Variants in SLC27A2 observed in about 807,000 individuals in gnomAD.
SLC27A2 encodes solute carrier family 27 member 2, also known as long-chain fatty acid transport protein 2.
A neutral mutation model predicts 60.0 loss-of-function variants in SLC27A2; 54 were observed. The ratio of observed to expected loss-of-function variants is 0.90; its 90% CI spans 0.72 to 1.13. SLC27A2 has a LOEUF of 1.13. SLC27A2 is among the 50% of genes most tolerant of loss of function. SLC27A2 has a pLI of 0.00. For missense variants in SLC27A2, 739 were observed against 777.6 expected, an observed-to-expected ratio of 0.95 and a Z score of 0.59; for synonymous variants, 297 against 297.6, an observed-to-expected ratio of 1.00 and a Z score of 0.02.
intron 1 of SLC27A2, among the ~76,000 whole-genome samples, chr15:50,195,416 G>A (rs527612100): frequency 1.3e-5 from 2 of 151,962 alleles, no homozygotes; most frequent in Non-Finnish European, 2.9e-5. Flanking sequence ...CTGTGAACCC[G>A]GGAGGCGGAG....
At position 50,215,293 on chromosome 15, in the gene SLC27A2, T is replaced by C. The variant is rs928222772; in HGVS notation, c.973-7672T>C. Among the ~76,000 whole-genome samples, 7 of 152,140 alleles carry C rather than the reference T, an allele frequency of 4.6e-5. No homozygotes were observed. In the South Asian group the frequency reaches 1.0e-3, roughly 23 times the overall value. On this transcript the variant is annotated intron_variant, in intron 4 of 9. Transcript: ENST00000267842. ...AAGGCCTCTACATAAAACTACAAAA[T>C]GCTGCTGAAAGTAATCATAAACTAA... is the stretch of plus-strand genomic sequence containing the variant.
In SLC27A2 at chr15:50,223,107, T is replaced by A. The variant is rs780838139; in HGVS notation, c.1115T>A (p.Met372Lys). ...YAATEGNIGF[M>K]NYARKVGAVG... ...GCCACTGAAGGCAATATTGGATTTA[T>A]GAATTATGCGAGAAAAGTTGGTGCT... Residue 372 changes from methionine to lysine, a missense_variant, in exon 5 of 10, where the codon ATG becomes AAG. Transcript: ENST00000267842. 1 of 1,613,980 alleles carries A rather than the reference T, an allele frequency of 6.2e-7. No individual in the cohort carries two copies. The highest frequency in any genetic ancestry group is 1.1e-5 in the South Asian group (1 of 91,036).
At chr15:50,215,850 A>C (rs756088426) in intron 4 of SLC27A2, among the ~76,000 whole-genome samples, 7 of 152,232 alleles carry the variant, frequency 4.6e-5, no homozygotes, top group Non-Finnish European at 1.0e-4. Flanking sequence ...ACGCGAAACT[A>C]TAAAAATTCT....
At chr15:50,225,294 T>C (rs1238143871) in intron 5 of SLC27A2, among the ~76,000 whole-genome samples, 1 of 152,188 alleles carries the variant, frequency 6.6e-6, no homozygotes, top group Non-Finnish European at 1.5e-5. Flanking sequence ...AAATAATATA[T>C]TTATTATTGC....
intron 4 of SLC27A2, among the ~76,000 whole-genome samples, chr15:50,216,624 A>G (rs796907437): frequency 0.077 from 5,178 of 67,322 alleles, 152 homozygotes; most frequent in South Asian, 0.15. Context: ...ATATATATAT[A>G]TATATATATA....
At chr15:50,204,499 C>T (rs1156734680) in intron 3 of SLC27A2, among the ~76,000 whole-genome samples, 1 of 151,398 alleles carries the variant, frequency 6.6e-6, no homozygotes, top group Non-Finnish European at 1.5e-5. Context: ...TTTGGGAGGC[C>T]AAGGGGTACA....
intron 4 of SLC27A2, among the ~76,000 whole-genome samples, chr15:50,214,650 A>G (rs1044053614): frequency 2.0e-5 from 3 of 152,248 alleles, no homozygotes; most frequent in Admixed American, 1.3e-4. Context: ...CCAGGGATGC[A>G]GGGATGGTTT....
chr15:50,229,664 C>T (rs192943943), intron 8 of SLC27A2, among the ~76,000 whole-genome samples: 42 of 152,254 alleles, frequency 2.8e-4, no homozygotes, highest in Non-Finnish European at 2.8e-4. Flanking sequence ...TGCAGTTAAG[C>T]TTGTCAAGAG....
At chr15:50,189,043 A>G (rs2044951728) in intron 1 of SLC27A2, among the ~76,000 whole-genome samples, 1 of 141,828 alleles carries the variant, frequency 7.1e-6, no homozygotes, top group African/African-American at 2.8e-5. Context: ...ACAAACATAC[A>G]TACATACATA....
At chr15:50,234,316 G>A (rs978753171) in intron 9 of SLC27A2, among the ~76,000 whole-genome samples, 5 of 152,102 alleles carry the variant, frequency 3.3e-5, no homozygotes, top group South Asian at 2.1e-4. Context: ...GGCCAAACGC[G>A]GTGGCTCACG....
Position 50,223,032 on chromosome 15 carries a change from G to C in SLC27A2, c.1040G>C (p.Arg347Thr). The stretch of plus-strand genomic sequence containing the variant: ...AATGGCTTACGAGGAGATGTGTGGA[G>C]ACAATTTGTCAAGAGATTTGGGGAC... ...LGNGLRGDVW[R>T]QFVKRFGDIC... is the part of the protein sequence containing the mutation. The change falls in exon 5 of 10, where the codon AGA (arginine) becomes ACA (threonine). Residue 347 changes from arginine to threonine, a missense_variant. By Grantham distance (71) the Arg-to-Thr change is moderately conservative (BLOSUM62 -1). Transcript: ENST00000267842. The C allele has an allele frequency of 1.2e-6, 2 of 1,614,030 alleles. No homozygotes were observed. Among genetic ancestry groups the C allele is most frequent in the South Asian group, 2.2e-5 (2 of 91,064 alleles).
At chr15:50,233,039 C>G (rs1366510618) in intron 8 of SLC27A2, among the ~76,000 whole-genome samples, 1 of 152,142 alleles carries the variant, frequency 6.6e-6, no homozygotes, top group Non-Finnish European at 1.5e-5. Flanking sequence ...CCACTGTCCT[C>G]ACAAGAAGGC....
At chr15:50,234,469 C>T (rs2045336912) in intron 9 of SLC27A2, among the ~76,000 whole-genome samples, 1 of 151,568 alleles carries the variant, frequency 6.6e-6, no homozygotes. Flanking sequence ...TGCCTGTAGC[C>T]CCAGCTACTC....
At chr15:50,234,243 T>C (rs1441205622) in intron 9 of SLC27A2, among the ~76,000 whole-genome samples, 1 of 152,062 alleles carries the variant, frequency 6.6e-6, no homozygotes, top group East Asian at 1.9e-4. Flanking sequence ...CTCAGGAGTT[T>C]GAGACCAGCC....
Position 50,182,217 on chromosome 15 carries a change from CA to C in SLC27A2, c.-209del, listed in dbSNP as rs2044858039. 3 of 698,348 alleles carry C rather than the reference CA, an allele frequency of 4.3e-6. No individual in the cohort carries two copies. In the South Asian group the frequency reaches 1.9e-4, roughly 44 times the overall value. 43.3% of individuals were successfully genotyped at this position (698,348 alleles called of 1,614,324 possible). On this transcript the variant is annotated 5_prime_UTR_variant, in exon 1 of 10. Coordinates refer to ENST00000267842, the MANE Select transcript of SLC27A2 (RefSeq NM_003645.4). ...GGCCAGTCCTGCCCGGAACCCCCGG[CA>C]ACGCGCATACGACTACACCTGCTCC...
At chr15:50,195,968 G>GGCAT (rs1231068762) in intron 1 of SLC27A2, among the ~76,000 whole-genome samples, 1 of 145,380 alleles carries the variant, frequency 6.9e-6, no homozygotes, top group African/African-American at 2.5e-5. Context: ...GCAGGAGAAT[G>GGCAT]GCATGAACCC....
In SLC27A2 at chr15:50,236,155, A is replaced by T. The variant is rs141499258; in HGVS notation, c.*59A>T. The T allele has an allele frequency of 6.4e-5, 88 of 1,379,342 alleles. No homozygotes were observed. Among genetic ancestry groups the T allele is most frequent in the Non-Finnish European group, 8.1e-5 (83 of 1,020,772 alleles). 85.4% of individuals were successfully genotyped at this position (1,379,342 alleles called of 1,614,324 possible). ...AAGAAACTGAATGGACAGCCACTTG[A>T]TATAATCCAACTTTAATTTGATTGA... On this transcript the variant is annotated 3_prime_UTR_variant, in exon 10 of 10. Coordinates refer to ENST00000267842, the MANE Select transcript of SLC27A2 (RefSeq NM_003645.4).
chr15:50,234,796 A>G (rs956125801), intron 9 of SLC27A2, among the ~76,000 whole-genome samples: 8 of 152,018 alleles, frequency 5.3e-5, no homozygotes, highest in Admixed American at 3.9e-4. Context: ...AAGAAATCCA[A>G]TCCTAATCCC....
chr15:50,212,028 G>A (rs1363006883), intron 4 of SLC27A2, among the ~76,000 whole-genome samples: 15 of 137,060 alleles, frequency 1.1e-4, no homozygotes, highest in East Asian at 2.1e-4. Flanking sequence ...CCAAGATCGC[G>A]CCACTGCACT....
Sources: gnomAD v4.1 joint callset for allele counts (sites outside exome capture counted in the v4.1 genomes callset) on GRCh38, gnomAD v4.1.1 for gene constraint, MANE v1.5 for transcripts, NCBI Gene and HGNC (gene_info 2026-07-23, HGNC 2026-07-21) for gene names.